Variants in NRXN3 observed in about 807,000 individuals in gnomAD.
NRXN3 encodes neurexin III.
NRXN3 carries 32 observed loss-of-function variants against 137.6 expected under a neutral mutation model. The observed-to-expected ratio is 0.23, with a 90% CI of 0.18 to 0.31. The LOEUF is 0.31. Among genes scored for constraint, NRXN3 ranks in the 10% least tolerant of loss-of-function variants. The pLI is 1.00. For missense variants in NRXN3, 1,574 were observed against 2,062.5 expected, an observed-to-expected ratio of 0.76 and a Z score of 4.59; for synonymous variants, 798 against 784.5, an observed-to-expected ratio of 1.02 and a Z score of -0.29.
chr14:79,420,722 T>C (rs1320044799), intron 15 of NRXN3, among the ~76,000 whole-genome samples: 1 of 152,192 alleles, frequency 6.6e-6, no homozygotes, highest in Non-Finnish European at 1.5e-5. Context: ...GTTTTCTCAA[T>C]GCAAAAGAAG....
intron 20 of NRXN3, among the ~76,000 whole-genome samples, chr14:79,812,728 C>T (rs2099238590): frequency 6.6e-6 from 1 of 152,198 alleles, no homozygotes; most frequent in Admixed American, 6.5e-5. Context: ...TTCACATATA[C>T]AGTATGGTCA....
chr14:79,796,814 T>C (rs1455596198), intron 19 of NRXN3, among the ~76,000 whole-genome samples: 5 of 151,950 alleles, frequency 3.3e-5, no homozygotes, highest in Non-Finnish European at 7.4e-5. Context: ...TTTTAGGGAG[T>C]GGGTGATACG....
At chr14:79,803,933 G>A (rs545547755) in intron 19 of NRXN3, among the ~76,000 whole-genome samples, 6 of 141,266 alleles carry the variant, frequency 4.2e-5, no homozygotes, top group Admixed American at 1.4e-4. Context: ...ATATGTGTGT[G>A]TATATATATA....
chr14:79,327,475 C>A (rs1185962447), intron 15 of NRXN3, among the ~76,000 whole-genome samples: 4 of 152,134 alleles, frequency 2.6e-5, no homozygotes, highest in Non-Finnish European at 4.4e-5. Context: ...CACCCTGCAA[C>A]AATGGCTGGC....
At chr14:79,547,038 G>A (rs1403013662) in intron 16 of NRXN3, among the ~76,000 whole-genome samples, 2 of 152,096 alleles carry the variant, frequency 1.3e-5, no homozygotes, top group Non-Finnish European at 2.9e-5. Context: ...CCCTCTTAAT[G>A]ATCTGATTCC....
intron 8 of NRXN3, among the ~76,000 whole-genome samples, chr14:78,770,006 T>A (rs1056520447): frequency 1.3e-5 from 2 of 152,040 alleles, no homozygotes; most frequent in African/African-American, 4.8e-5. Flanking sequence ...TTTTTGCTGT[T>A]AGGTGATAAA....
rs2964903 is a variant in NRXN3 at position 78,866,397 on chromosome 14, T to C, written c.2275+56053T>C. On this transcript the variant is annotated intron_variant, in intron 10 of 20. Coordinates refer to ENST00000335750, the MANE Select transcript of NRXN3 (RefSeq NM_001330195.2). ...ATTTTGTGTGGAATATGTATTATTA[T>C]CCTTGAGCTTAGGAATGATTATTAG... Among the ~76,000 whole-genome samples the C allele has an allele frequency of 8.4e-3, 1,276 of 152,308 alleles. 15 individuals carry two copies. Among genetic ancestry groups the C allele is most frequent in the African/African-American group, 0.03 (1,239 of 41,566 alleles).
intron 15 of NRXN3, among the ~76,000 whole-genome samples, chr14:79,144,560 C>T (rs1036310290): frequency 1.1e-4 from 16 of 152,150 alleles, no homozygotes; most frequent in African/African-American, 3.6e-4. Context: ...GGTAGCCTTG[C>T]TCTATGAGGC....
At chr14:78,860,378 C>T (rs1265771110) in intron 10 of NRXN3, among the ~76,000 whole-genome samples, 1 of 152,082 alleles carries the variant, frequency 6.6e-6, no homozygotes, top group Non-Finnish European at 1.5e-5. Flanking sequence ...ACCCTCTATG[C>T]CCTCCATCTT....
chr14:78,586,431 C>T (rs1416315510), intron 4 of NRXN3, among the ~76,000 whole-genome samples: 1 of 152,102 alleles, frequency 6.6e-6, no homozygotes, highest in Non-Finnish European at 1.5e-5. Flanking sequence ...GTTACTTCCC[C>T]ATAAGGACGG....
intron 4 of NRXN3, among the ~76,000 whole-genome samples, chr14:78,493,336 A>G (rs888410719): frequency 3.3e-5 from 5 of 149,876 alleles, no homozygotes; most frequent in African/African-American, 1.2e-4. Context: ...AGCCTGGCTA[A>G]CATGGTGAAA....
At chr14:78,439,391 A>G (rs531256287) in intron 4 of NRXN3, among the ~76,000 whole-genome samples, 19 of 152,224 alleles carry the variant, frequency 1.2e-4, no homozygotes, top group South Asian at 1.0e-3. Context: ...GGTAATGTCT[A>G]CAGCACATTG....
intron 15 of NRXN3, among the ~76,000 whole-genome samples, chr14:79,257,272 T>C (rs1015264105): frequency 1.3e-4 from 19 of 150,656 alleles, no homozygotes; most frequent in Admixed American, 1.1e-3. Context: ...AAGTATCAGA[T>C]AGTTCCTCCA....
intron 16 of NRXN3, among the ~76,000 whole-genome samples, chr14:79,553,519 A>C (rs2153750936): frequency 6.6e-6 from 1 of 152,042 alleles, no homozygotes; most frequent in East Asian, 1.9e-4. Context: ...ATGCCACCTA[A>C]CTCCCACCTC....
rs1410852837 is a variant in NRXN3 at position 79,867,931 on chromosome 14, A to G, written c.*5967A>G. 1 of 148,584 alleles carries G rather than the reference A, an allele frequency of 6.7e-6. No homozygotes were observed. Among genetic ancestry groups the G allele is most frequent in the Non-Finnish European group, 1.5e-5 (1 of 67,526 alleles). The allele number at this position is 148,584 out of a possible 1,614,324, so 9.2% of individuals were successfully genotyped here. ...GCTCAGATCTTGGGAGATGTATTAA[A>G]TGAGTAGAGTGAATTTCAAGATATC... is the stretch of plus-strand genomic sequence containing the variant. On this transcript the variant is annotated 3_prime_UTR_variant, in exon 21 of 21. Transcript: ENST00000335750.
chr14:78,256,119 A>T (rs2069543146), intron 2 of NRXN3, among the ~76,000 whole-genome samples: 1 of 152,000 alleles, frequency 6.6e-6, no homozygotes, highest in Non-Finnish European at 1.5e-5. Context: ...GATTTCCTAT[A>T]ACAATTATAG....
At chr14:78,288,339 A>C (rs1467419330) in intron 3 of NRXN3, among the ~76,000 whole-genome samples, 1 of 152,188 alleles carries the variant, frequency 6.6e-6, no homozygotes, top group Non-Finnish European at 1.5e-5. Flanking sequence ...CCTTAGCCTT[A>C]ATAAAAAAAG....
At chr14:79,504,639 T>TATATATATATATATATATATATATATATA (rs60009832) in intron 16 of NRXN3, among the ~76,000 whole-genome samples, 3 of 93,414 alleles carry the variant, frequency 3.2e-5, no homozygotes, top group South Asian at 3.8e-4. Context: ...AAATGAAGTT[T>TATATATATATATATATATATATATATATA]TTTATATATA....
intron 6 of NRXN3, among the ~76,000 whole-genome samples, chr14:78,669,364 A>G (rs1244667313): frequency 2.0e-5 from 3 of 152,172 alleles, no homozygotes; most frequent in African/African-American, 7.2e-5. Flanking sequence ...ATTCAGGGTG[A>G]GTCCATAAAG....
Sources: allele counts gnomAD v4.1 joint callset (sites outside exome capture counted in the v4.1 genomes callset), GRCh38; gene constraint gnomAD v4.1.1; transcripts MANE v1.5; gene names NCBI Gene and HGNC (gene_info 2026-07-23, HGNC 2026-07-21).